The following CYP27A1 variants were observed in gnomAD, a reference collection of about 807,000 sequenced individuals.
CYP27A1 encodes sterol 26-hydroxylase, mitochondrial.
A neutral mutation model predicts 58.2 loss-of-function variants in CYP27A1; 46 were observed. That is an observed-to-expected ratio of 0.79 (90% CI 0.62 to 1.01). The LOEUF is 1.01. Ranked by LOEUF, CYP27A1 falls within the 50% of genes least tolerant of loss-of-function variation. The pLI is 0.00. For missense variants in CYP27A1, 704 were observed against 687.0 expected, an observed-to-expected ratio of 1.02 and a Z score of -0.28; for synonymous variants, 274 against 285.1, an observed-to-expected ratio of 0.96 and a Z score of 0.39.
In CYP27A1 at chr2:218,782,419, G is replaced by A; in HGVS notation, c.237G>A (p.Leu79=). 1.2e-6 allele frequency: 2 copies of A among 1,614,232 alleles called. No homozygotes were observed. Among genetic ancestry groups the A allele is most frequent in the Admixed American group, 1.7e-5 (1 of 60,030 alleles). ...FFQLFVQGYA[L]QLHQLQVLYK... is the part of the protein sequence containing the mutation. ...AGCTGTTCGTTCAAGGCTATGCCCT[G>A]CAACTGCACCAGTTACAGGTAACCC... is the stretch of plus-strand genomic sequence containing the variant. Residue 79 remains leucine, a synonymous_variant, in exon 1 of 9, where the codon CTG becomes CTA. Transcript: ENST00000258415. The surrounding 1 kb of genome is among the most constrained non-coding windows in gnomAD (Gnocchi z 4.1).
chr2:218,782,468 T>C lies in CYP27A1; in HGVS notation c.255+31T>C, dbSNP rs1943402190. On this transcript the variant is annotated intron_variant, in intron 1 of 8. Transcript: ENST00000258415. The surrounding 1 kb of genome is among the most constrained non-coding windows in gnomAD (Gnocchi z 4.1). Reference sequence around the variant, plus strand: ...CCGCGGGGGCATCGCGTCCTGGGGATGGGAGTGGGCACCGGAACAGAGAGG... The same window carrying C: ...CCGCGGGGGCATCGCGTCCTGGGGACGGGAGTGGGCACCGGAACAGAGAGG... 1 of 1,613,744 alleles carries C rather than the reference T, an allele frequency of 6.2e-7. No individual in the cohort carries two copies. Among genetic ancestry groups the C allele is most frequent in the Admixed American group, 1.7e-5 (1 of 60,004 alleles).
chr2:218,814,053 C>T lies in CYP27A1; in HGVS notation c.1050C>T (p.His350=). 6.2e-7 allele frequency: 1 copy of T among 1,614,262 alleles called. No individual in the cohort carries two copies. Among genetic ancestry groups the T allele is most frequent in the Non-Finnish European group, 8.5e-7 (1 of 1,180,052 alleles). The change falls in exon 6 of 9, where the codon CAC becomes CAT. Residue 350 remains histidine, a synonymous_variant. Transcript: ENST00000258415. The part of the protein sequence containing the change: ...TSNTLTWALY[H]LSKDPEIQEA... ...ACACGCTGACATGGGCCCTGTACCA[C>T]CTCTCAAAGGACCCTGAGATCCAGG...
intron 1 of CYP27A1, among the ~76,000 whole-genome samples, chr2:218,783,479 T>C (rs1353650159): frequency 2.6e-5 from 4 of 151,818 alleles, no homozygotes; most frequent in Non-Finnish European, 5.9e-5. Context: ...ACCAAAGGGG[T>C]TCATACAGGA....
At chr2:218,799,876 G>T (rs1178247031) in intron 1 of CYP27A1, among the ~76,000 whole-genome samples, 1 of 151,696 alleles carries the variant, frequency 6.6e-6, no homozygotes, top group Non-Finnish European at 1.5e-5. Context: ...GGCTGAACAG[G>T]TTCGACAACT....
intron 1 of CYP27A1, chr2:218,806,046 A>G (rs1020569983): frequency 3.3e-5 from 5 of 152,256 alleles, no homozygotes; most frequent in African/African-American, 1.2e-4. Flanking sequence ...CTTTAAAAAT[A>G]TAACTTTTTT....
At chr2:218,808,098 ATAGTATTT>A (rs1943669741) in intron 1 of CYP27A1, among the ~76,000 whole-genome samples, 1 of 152,164 alleles carries the variant, frequency 6.6e-6, no homozygotes, top group Admixed American at 6.5e-5. Flanking sequence ...TTAAGGTGAC[ATAGTATTT>A]CATTATGTGG....
At chr2:218,796,136 A>G (rs1472436380) in intron 1 of CYP27A1, among the ~76,000 whole-genome samples, 1 of 152,118 alleles carries the variant, frequency 6.6e-6, no homozygotes, top group East Asian at 1.9e-4. Flanking sequence ...TTCTTTTCCA[A>G]AAGGGGCTTT....
intron 1 of CYP27A1, among the ~76,000 whole-genome samples, chr2:218,794,784 G>A (rs1012915527): frequency 3.9e-5 from 6 of 152,256 alleles, no homozygotes; most frequent in African/African-American, 1.4e-4. Context: ...AAAAAAGAAG[G>A]CTCCTTTTCA....
chr2:218,812,282 G>A lies in CYP27A1; in HGVS notation c.507G>A (p.Ala169=), dbSNP rs776260288. Residue 169 remains alanine (A), a synonymous_variant, in exon 3 of 9, where the codon GCG becomes GCA. Coordinates refer to ENST00000258415, the MANE Select transcript of CYP27A1 (RefSeq NM_000784.4). ...TGAACCAGCGGTTGCTGAAGCCAGC[G>A]GAAGCAGCGCTCTATACGGATGCTT... ...QALNQRLLKP[A]EAALYTDAFN... The A allele has an allele frequency of 2.5e-5, 41 of 1,614,212 alleles. No homozygotes were observed. Among genetic ancestry groups the A allele is most frequent in the African/African-American group, 4.0e-5 (3 of 75,060 alleles).
chr2:218,805,894 T>C (rs2105977300), intron 1 of CYP27A1: 1 of 152,322 alleles, frequency 6.6e-6, no homozygotes, highest in East Asian at 1.9e-4. Flanking sequence ...TAAGTTCCAC[T>C]AAGTAAACTA....
rs111867929 is a variant in CYP27A1 at position 218,782,990 on chromosome 2, C to T, written c.255+553C>T. Among the ~76,000 whole-genome samples the T allele has an allele frequency of 7.2e-3, 1,100 of 152,196 alleles. 9 individuals are homozygous for T. Among genetic ancestry groups the T allele is most frequent in the African/African-American group, 0.025 (1,023 of 41,528 alleles). On this transcript the variant is annotated intron_variant, in intron 1 of 8. Coordinates refer to ENST00000258415, the MANE Select transcript of CYP27A1 (RefSeq NM_000784.4). This position sits in a 1 kb window ranked among gnomAD's most constrained non-coding sequence, Gnocchi z 4.1. ...ATCAGTCTGAGGCCGGGTGCAGTGG[C>T]TCACACCTGTAATCTCAGCACCTTG...
At chr2:218,801,178 A>G (rs1943596164) in intron 1 of CYP27A1, among the ~76,000 whole-genome samples, 3 of 152,192 alleles carry the variant, frequency 2.0e-5, no homozygotes, top group Admixed American at 6.5e-5. Flanking sequence ...TACAAAGAAA[A>G]TAGTTTTGCA....
chr2:218,809,917 C>G, intron 2 of CYP27A1, 150 bp downstream of exon 2: 2 of 686,548 alleles, frequency 2.9e-6, no homozygotes, highest in South Asian at 2.0e-5. Flanking sequence ...TTGGGAGGTG[C>G]TGAAGCCCAG....
chr2:218,795,324 G>A (rs576052562), intron 1 of CYP27A1, among the ~76,000 whole-genome samples: 1 of 152,288 alleles, frequency 6.6e-6, no homozygotes, highest in East Asian at 1.9e-4. Flanking sequence ...TGTGTCTCAG[G>A]GGGTGTTGCA....
chr2:218,797,899 T>A (rs1483855443), intron 1 of CYP27A1, among the ~76,000 whole-genome samples: 1 of 152,240 alleles, frequency 6.6e-6, no homozygotes, highest in Non-Finnish European at 1.5e-5. Flanking sequence ...TTTTGCAAGA[T>A]TAATTTTTAT....
At chr2:218,806,244 A>G (rs1260390010) in intron 1 of CYP27A1, among the ~76,000 whole-genome samples, 3 of 152,266 alleles carry the variant, frequency 2.0e-5, no homozygotes, top group African/African-American at 7.2e-5. Context: ...CTTTAGAAAA[A>G]TATTTCTTCA....
chr2:218,803,933 A>G (rs1159989052), intron 1 of CYP27A1, among the ~76,000 whole-genome samples: 1 of 149,056 alleles, frequency 6.7e-6, no homozygotes, highest in Non-Finnish European at 1.5e-5. Context: ...GGGTTTCACC[A>G]TGTTGGCCAG....
chr2:218,813,213 T>A, intron 5 of CYP27A1, 117 bp downstream of exon 5: 1 of 935,474 alleles, frequency 1.1e-6, no homozygotes, highest in Non-Finnish European at 1.6e-6. Flanking sequence ...TCTTTTTCTG[T>A]AACATGGATA....
intron 1 of CYP27A1, among the ~76,000 whole-genome samples, chr2:218,796,516 C>T (rs964203630): frequency 6.6e-6 from 1 of 152,078 alleles, no homozygotes; most frequent in Non-Finnish European, 1.5e-5. Flanking sequence ...ATCACTTGAA[C>T]CCGGGAGGCA....
Sources: gnomAD v4.1 joint callset for allele counts (sites outside exome capture counted in the v4.1 genomes callset) on GRCh38, gnomAD v4.1.1 for gene constraint, Gnocchi (gnomAD v3.1) non-coding constraint, MANE v1.5 for transcripts, NCBI Gene and HGNC (gene_info 2026-07-23, HGNC 2026-07-21) for gene names.